CWH43: variants seen among roughly 807,000 people sequenced by gnomAD.
CWH43 encodes cell wall biogenesis 43 C-terminal homolog.
CWH43 carries 91 observed loss-of-function variants against 85.7 expected under a neutral mutation model. That is an observed-to-expected ratio of 1.06 (90% CI 0.90 to 1.26). CWH43 has a LOEUF of 1.26. CWH43 is among the 50% of genes most tolerant of loss of function. The pLI is 0.00. For synonymous variants in CWH43, 323 were observed against 293.6 expected, an observed-to-expected ratio of 1.10 and a Z score of -1.02; for missense variants, 869 against 839.2, an observed-to-expected ratio of 1.04 and a Z score of -0.44.
intron 1 of CWH43, 45 bp from the exon 2 acceptor site, chr4:48,988,432 T>C: frequency 3.4e-6 from 5 of 1,452,676 alleles, no homozygotes; most frequent in Non-Finnish European, 4.7e-6. Context: ...TTAGAAACAA[T>C]GTTGAAGTTA....
intron 9 of CWH43, among the ~76,000 whole-genome samples, chr4:49,023,388 T>C (rs1489541269): frequency 6.6e-6 from 1 of 152,196 alleles, no homozygotes; most frequent in Non-Finnish European, 1.5e-5. Flanking sequence ...TATTTTTATT[T>C]TTTGAGATGG....
At chr4:49,024,025 C>T (rs1783828310) in intron 9 of CWH43, among the ~76,000 whole-genome samples, 1 of 152,068 alleles carries the variant, frequency 6.6e-6, no homozygotes, top group Non-Finnish European at 1.5e-5. Context: ...TTGGGGGTTC[C>T]AGTGTTAGGT....
At chr4:49,020,416 C>CACATATATATAT (rs140534523) in intron 9 of CWH43, among the ~76,000 whole-genome samples, 8 of 128,340 alleles carry the variant, frequency 6.2e-5, no homozygotes, top group African/African-American at 2.1e-4. Context: ...CACACACACA[C>CACATATATATAT]ATATATATAT....
chr4:49,034,674 G>A (rs1402389025), intron 12 of CWH43, among the ~76,000 whole-genome samples: 3 of 152,102 alleles, frequency 2.0e-5, no homozygotes, highest in Admixed American at 1.3e-4. Flanking sequence ...ATGATTAAGA[G>A]CATGGGATTC....
intron 6 of CWH43, among the ~76,000 whole-genome samples, chr4:48,999,605 G>A (rs752904346): frequency 6.6e-6 from 1 of 152,216 alleles, no homozygotes; most frequent in Non-Finnish European, 1.5e-5. Context: ...GATGGATACA[G>A]TGAACCCATA....
At chr4:48,989,185 A>G (rs1782580662) in intron 2 of CWH43, among the ~76,000 whole-genome samples, 1 of 152,236 alleles carries the variant, frequency 6.6e-6, no homozygotes, top group Non-Finnish European at 1.5e-5. Context: ...AAGGGGGCAC[A>G]GGATCTGATC....
chr4:49,060,463 C>T (rs1161454428), intron 15 of CWH43, among the ~76,000 whole-genome samples: 1 of 151,928 alleles, frequency 6.6e-6, no homozygotes, highest in Non-Finnish European at 1.5e-5. Flanking sequence ...TTTAGGTGGG[C>T]CTGGAAGCTT....
chr4:49,032,206 G>A (rs563665134), intron 11 of CWH43, among the ~76,000 whole-genome samples: 21 of 152,306 alleles, frequency 1.4e-4, no homozygotes, highest in African/African-American at 4.6e-4. Flanking sequence ...GTTCTAGCTG[G>A]CAAGATTGTA....
intron 13 of CWH43, among the ~76,000 whole-genome samples, chr4:49,040,749 T>C (rs981237192): frequency 6.6e-6 from 1 of 152,212 alleles, no homozygotes; most frequent in African/African-American, 2.4e-5. Context: ...TTAGTTTAAT[T>C]AGATCCCATT....
intron 15 of CWH43, among the ~76,000 whole-genome samples, chr4:49,055,799 A>G (rs1359769711): frequency 1.3e-5 from 2 of 152,122 alleles, no homozygotes; most frequent in African/African-American, 4.8e-5. Context: ...CATGTTGGCC[A>G]GGCTGGTCTT....
chr4:49,053,290 C>G (rs1784854041), intron 15 of CWH43, among the ~76,000 whole-genome samples: 1 of 152,062 alleles, frequency 6.6e-6, no homozygotes. Context: ...TAATTTCTTT[C>G]CTTTGGATGT....
chr4:49,000,450 C>T (rs1165572564), intron 6 of CWH43, among the ~76,000 whole-genome samples: 3 of 152,122 alleles, frequency 2.0e-5, no homozygotes, highest in African/African-American at 7.2e-5. Flanking sequence ...TAAGAGTAAT[C>T]TTTCTTCTCA....
chr4:49,000,660 G>A (rs1782962494), intron 6 of CWH43, among the ~76,000 whole-genome samples: 1 of 152,170 alleles, frequency 6.6e-6, no homozygotes, highest in Non-Finnish European at 1.5e-5. Flanking sequence ...TGGGCAGGTA[G>A]TTAACAGCTT....
In CWH43 at chr4:48,986,592, A is replaced by G. The variant is rs1782503219; in HGVS notation, c.43+120A>G. ...AGGAGGAAAAGGGCGCTCCGTGCCC[A>G]GAGTGGAGATGCTTATCGTCCCCTG... On this transcript the variant is annotated intron_variant, in intron 1 of 15. Coordinates refer to ENST00000226432, the MANE Select transcript of CWH43 (RefSeq NM_025087.3). 4.0e-6 allele frequency: 6 copies of G among 1,510,350 alleles called. No individual in the cohort carries two copies. The East Asian group carries it at 1.0e-4, about 26-fold the overall frequency. 93.6% of individuals were successfully genotyped at this position (1,510,350 alleles called of 1,614,324 possible).
chr4:49,060,660 T>G (rs1785125510), intron 15 of CWH43, among the ~76,000 whole-genome samples: 1 of 152,210 alleles, frequency 6.6e-6, no homozygotes, highest in African/African-American at 2.4e-5. Context: ...CTTCTTACCC[T>G]TCTCAATGAG....
At chr4:49,001,316 A>G (rs1423958750) in intron 6 of CWH43, among the ~76,000 whole-genome samples, 2 of 152,210 alleles carry the variant, frequency 1.3e-5, no homozygotes, top group Non-Finnish European at 2.9e-5. Context: ...CATGTCAGTT[A>G]TTATAATTGT....
At chr4:49,035,373 C>G (rs1784235151) in intron 12 of CWH43, among the ~76,000 whole-genome samples, 1 of 152,142 alleles carries the variant, frequency 6.6e-6, no homozygotes, top group South Asian at 2.1e-4. Context: ...TTAGAAGTCA[C>G]TCAGGCAAAC....
Position 49,007,306 on chromosome 4 carries a change from G to C in CWH43, c.1166G>C (p.Ser389Thr), listed in dbSNP as rs754193083. Residue 389 changes from serine (S) to threonine (T), a missense_variant, in exon 8 of 16, where the codon AGT becomes ACT. Ser to Thr is a moderately conservative substitution (Grantham distance 58). Transcript: ENST00000226432. ...KNSSKVLFRK[S>T]EKYMKLFLWL... ...AGTTCTAAAGTGCTTTTCAGAAAGAGTGAAAAATACATGAAACTTTGTAAG... is the reference window on the plus strand; with the variant it reads ...AGTTCTAAAGTGCTTTTCAGAAAGACTGAAAAATACATGAAACTTTGTAAG... The C allele has an allele frequency of 2.5e-6, 4 of 1,601,030 alleles. No individual in the cohort carries two copies. The Admixed American group carries it at 6.9e-5, about 28-fold the overall frequency.
At chr4:49,039,351 T>TATA (rs1784377300) in intron 13 of CWH43, among the ~76,000 whole-genome samples, 2 of 8,456 alleles carry the variant, frequency 2.4e-4, no homozygotes, top group African/African-American at 5.4e-4. Flanking sequence ...ATATATATAC[T>TATA]GATATATATA....
Sources: gnomAD v4.1 joint callset for allele counts (sites outside exome capture counted in the v4.1 genomes callset) on GRCh38, gnomAD v4.1.1 for gene constraint, MANE v1.5 for transcripts, NCBI Gene and HGNC (gene_info 2026-07-23, HGNC 2026-07-21) for gene names.